Variants in SCMH1 observed in about 807,000 individuals in gnomAD.
SCMH1 encodes the protein polycomb protein SCMH1.
SCMH1 carries 37 observed loss-of-function variants against 70.8 expected under a neutral mutation model. The observed-to-expected ratio is 0.52, with a 90% CI of 0.40 to 0.69. The LOEUF (loss-of-function observed/expected upper bound fraction) is 0.69, where lower values mean the gene tolerates loss of function less well. Among genes scored for constraint, SCMH1 ranks in the 30% least tolerant of loss-of-function variants. The probability of loss-of-function intolerance (pLI) is 0.00; values close to 1 mark genes in which losing one functional copy is unlikely to be tolerated. For synonymous variants in SCMH1, 292 were observed against 307.4 expected, an observed-to-expected ratio of 0.95 and a Z score of 0.52; for missense variants, 607 against 827.3, an observed-to-expected ratio of 0.73 and a Z score of 3.27.
rs1258450249 is a variant in SCMH1, at chr1:41,048,940, A to G, written c.1106-50T>C. The G allele has an allele frequency of 2.6e-6, 4 of 1,524,738 alleles. No homozygotes were observed. The East Asian group carries it at 9.0e-5, about 34-fold the overall frequency. The allele number at this position is 1,524,738 out of a possible 1,614,324, so 94.5% of individuals were successfully genotyped here. The stretch of plus-strand genomic sequence containing the variant: ...AGCTTCAAGAGTCTCTGGGATAGAG[A>G]AGTCAGAGAACAGCATCCTATTCCA... On this transcript the variant is annotated intron_variant, in intron 10 of 14. Transcript: ENST00000337495.
intron 14 of SCMH1, 67 bp from the exon 16 acceptor site, chr1:41,028,386 C>T: frequency 1.3e-6 from 2 of 1,590,234 alleles, no homozygotes; most frequent in Non-Finnish European, 1.7e-6. Flanking sequence ...GGTCTGACCA[C>T]CCCAGGTTCT....
intron 8 of SCMH1, among the ~76,000 whole-genome samples, chr1:41,086,755 C>T (rs1661791767): frequency 6.6e-6 from 1 of 152,034 alleles, no homozygotes; most frequent in Non-Finnish European, 1.5e-5. Context: ...ACAGCAACAA[C>T]AACAAACTAG....
At chr1:41,080,782 C>T (rs550037092) in intron 8 of SCMH1, among the ~76,000 whole-genome samples, 3 of 152,058 alleles carry the variant, frequency 2.0e-5, no homozygotes, top group South Asian at 2.1e-4. Context: ...TCTAGATAAA[C>T]GCATCTATAA....
chr1:41,178,088 A>G (rs1647509951), intron 2 of SCMH1, among the ~76,000 whole-genome samples: 1 of 152,224 alleles, frequency 6.6e-6, no homozygotes, highest in Non-Finnish European at 1.5e-5. Context: ...AATATTCAAC[A>G]TTCTTAAAGA....
chr1:41,050,741 C>T (rs1216378021), intron 10 of SCMH1, among the ~76,000 whole-genome samples: 1 of 152,130 alleles, frequency 6.6e-6, no homozygotes, highest in East Asian at 1.9e-4. Context: ...ACTCAACAGA[C>T]CCAACAAAGC....
chr1:41,180,817 T>C (rs1648518673), intron 2 of SCMH1, among the ~76,000 whole-genome samples: 1 of 152,140 alleles, frequency 6.6e-6, no homozygotes, highest in Non-Finnish European at 1.5e-5. Context: ...AAGCTACCAA[T>C]GACTTTCTCC....
intron 8 of SCMH1, among the ~76,000 whole-genome samples, chr1:41,106,166 C>T (rs1230841740): frequency 6.6e-6 from 1 of 151,834 alleles, no homozygotes; most frequent in African/African-American, 2.4e-5. Flanking sequence ...TGAGCCACCA[C>T]GCCCAGCCAA....
chr1:41,119,681 G>A (rs1671442250), intron 6 of SCMH1, among the ~76,000 whole-genome samples: 1 of 152,138 alleles, frequency 6.6e-6, no homozygotes, highest in South Asian at 2.1e-4. Flanking sequence ...ATGCCCATAA[G>A]GATGTTTGCA....
At chr1:41,053,478 G>T (rs1649009624) in intron 10 of SCMH1, among the ~76,000 whole-genome samples, 1 of 152,172 alleles carries the variant, frequency 6.6e-6, no homozygotes, top group Non-Finnish European at 1.5e-5. Context: ...ACCCTGCAGG[G>T]AGGTCCATTT....
At chr1:41,182,441 G>T (rs527879596) in intron 2 of SCMH1, among the ~76,000 whole-genome samples, 1 of 152,300 alleles carries the variant, frequency 6.6e-6, no homozygotes, top group African/African-American at 2.4e-5. Context: ...AGTTCAAAAA[G>T]TTCGGTGGCC....
At chr1:41,059,297 C>T (rs1651723032) in intron 10 of SCMH1, among the ~76,000 whole-genome samples, 1 of 152,190 alleles carries the variant, frequency 6.6e-6, no homozygotes, top group South Asian at 2.1e-4. Context: ...CAAATGTTGC[C>T]TTTTGGCCTG....
chr1:41,050,556 G>A (rs1454658621), intron 10 of SCMH1, among the ~76,000 whole-genome samples: 3 of 152,052 alleles, frequency 2.0e-5, no homozygotes, highest in Non-Finnish European at 2.9e-5. Context: ...GGTGATATGT[G>A]GAAAGTGACA....
chr1:41,203,627 T>C (rs1654859486), intron 1 of SCMH1, among the ~76,000 whole-genome samples: 1 of 152,130 alleles, frequency 6.6e-6, no homozygotes, highest in East Asian at 1.9e-4. Flanking sequence ...CGCAGGAAGG[T>C]TGTGGGTTTA....
intron 10 of SCMH1, among the ~76,000 whole-genome samples, chr1:41,049,467 T>A (rs1194770875): frequency 6.6e-6 from 1 of 151,292 alleles, no homozygotes; most frequent in African/African-American, 2.4e-5. Context: ...TTAAAAAAAA[T>A]TGGATTAAAA....
intron 2 of SCMH1, among the ~76,000 whole-genome samples, chr1:41,166,430 T>C (rs1572772825): frequency 6.6e-6 from 1 of 152,064 alleles, no homozygotes. Context: ...AGATTTCTTC[T>C]GGTGGTATAA....
At chr1:41,080,720 C>T (rs930240198) in intron 8 of SCMH1, among the ~76,000 whole-genome samples, 11 of 152,060 alleles carry the variant, frequency 7.2e-5, no homozygotes, top group African/African-American at 2.7e-4. Flanking sequence ...ATTCAACATC[C>T]ATTCATGATA....
chr1:41,144,646 A>G (rs1470053873), intron 5 of SCMH1, among the ~76,000 whole-genome samples: 3 of 152,072 alleles, frequency 2.0e-5, no homozygotes, highest in African/African-American at 7.2e-5. Flanking sequence ...TCATGTGGTA[A>G]CTCTGTTTAA....
intron 10 of SCMH1, 70 bp downstream of exon 10, chr1:41,070,525 G>T: frequency 1.3e-6 from 2 of 1,588,030 alleles, no homozygotes; most frequent in South Asian, 2.3e-5. Flanking sequence ...AATTACTGGT[G>T]TAAGACAAAA....
intron 4 of SCMH1, among the ~76,000 whole-genome samples, chr1:41,158,891 C>T (rs1645789818): frequency 6.6e-6 from 1 of 152,134 alleles, no homozygotes; most frequent in Non-Finnish European, 1.5e-5. Context: ...AATAGGCTAA[C>T]CCTGTTTCAT....
Sources: allele counts gnomAD v4.1 joint callset (sites outside exome capture counted in the v4.1 genomes callset), GRCh38; gene constraint gnomAD v4.1.1; transcripts MANE v1.5; gene names NCBI Gene and HGNC (gene_info 2026-07-23, HGNC 2026-07-21).